The following OTUD7A variants were observed in gnomAD, a reference collection of about 807,000 sequenced individuals.
The protein encoded by OTUD7A is OTU deubiquitinase 7A.
OTUD7A carries 12 observed loss-of-function variants against 65.7 expected under a neutral mutation model. The observed-to-expected ratio is 0.18, with a 90% CI of 0.12 to 0.30. The LOEUF (loss-of-function observed/expected upper bound fraction) is 0.30, where lower values mean the gene tolerates loss of function less well. Ranked by LOEUF, OTUD7A falls within the 10% of genes least tolerant of loss-of-function variation. OTUD7A has a pLI of 1.00. For synonymous variants in OTUD7A, 641 were observed against 586.3 expected (o/e 1.09, Z -1.35); for missense variants, 1,148 against 1,304.8 (o/e 0.88, Z 1.85).
At chr15:31,844,797 T>C (rs925454070) in intron 1 of OTUD7A, among the ~76,000 whole-genome samples, 1 of 152,202 alleles carries the variant, frequency 6.6e-6, no homozygotes, top group African/African-American at 2.4e-5. Context: ...CATAGGTAGA[T>C]GGGTCCCACA....
At chr15:31,656,543 C>T (rs896267478) in intron 2 of OTUD7A, among the ~76,000 whole-genome samples, 1 of 152,028 alleles carries the variant, frequency 6.6e-6, no homozygotes, top group Non-Finnish European at 1.5e-5. Flanking sequence ...GCTTGCAGAC[C>T]CCATTACAGG....
chr15:31,867,068 A>G (rs1042428224), intron 1 of OTUD7A, among the ~76,000 whole-genome samples: 2 of 152,090 alleles, frequency 1.3e-5, no homozygotes, highest in Non-Finnish European at 2.9e-5. Context: ...TGCTGCAATG[A>G]CCATCTAAGC....
Position 31,483,227 on chromosome 15 carries a change from G to C in OTUD7A, c.*67C>G, listed in dbSNP as rs1324459896. 9.5e-7 allele frequency: 1 copy of C among 1,050,020 alleles called. No individual in the cohort carries two copies. Among genetic ancestry groups the C allele is most frequent in the Non-Finnish European group, 1.1e-6 (1 of 872,928 alleles). The allele number at this position is 1,050,020 out of a possible 1,614,324, so 65.0% of individuals were successfully genotyped here. On this transcript the variant is annotated 3_prime_UTR_variant, in exon 13 of 13. Coordinates refer to ENST00000307050, the MANE Select transcript of OTUD7A (RefSeq NM_001382637.1). The stretch of plus-strand genomic sequence containing the variant: ...CCGGTGGACCAGGGCATGTAAAAAA[G>C]ACACCGACACAATGGAAAAGAAATC...
chr15:31,869,323 C>T (rs555050912), intron 1 of OTUD7A, among the ~76,000 whole-genome samples: 4 of 152,326 alleles, frequency 2.6e-5, no homozygotes, highest in Admixed American at 1.3e-4. Flanking sequence ...TCCCCGCCTT[C>T]GCCCAGGGCA....
intron 1 of OTUD7A, among the ~76,000 whole-genome samples, chr15:31,728,480 G>T (rs1215888177): frequency 6.6e-6 from 1 of 152,194 alleles, no homozygotes; most frequent in African/African-American, 2.4e-5. Context: ...ATTACAGAGA[G>T]AATTAAACAG....
chr15:31,670,025 T>C (rs1225714019), intron 1 of OTUD7A, among the ~76,000 whole-genome samples: 1 of 144,764 alleles, frequency 6.9e-6, no homozygotes, highest in Non-Finnish European at 1.5e-5. Context: ...AGGAGCAGTC[T>C]GCTTCCTTCA....
intron 3 of OTUD7A, among the ~76,000 whole-genome samples, chr15:31,635,523 G>A (rs529143258): frequency 1.3e-5 from 2 of 152,236 alleles, no homozygotes; most frequent in Non-Finnish European, 2.9e-5. Flanking sequence ...CCCCGACACT[G>A]CCTTGCCGCT....
chr15:31,565,811 A>G (rs1422331546), intron 4 of OTUD7A, among the ~76,000 whole-genome samples: 2 of 152,250 alleles, frequency 1.3e-5, no homozygotes, highest in Admixed American at 1.3e-4. Context: ...CTCTCAATCC[A>G]GGAGAAAGCA....
chr15:31,539,380 C>T lies in OTUD7A; in HGVS notation c.551-8572G>A, dbSNP rs112120921. Among the ~76,000 whole-genome samples the T allele has an allele frequency of 4.3e-3, 655 of 152,182 alleles. 3 individuals carry two copies. The highest frequency in any genetic ancestry group is 0.015 in the African/African-American group (628 of 41,502). ...AGAGTAACCCAGGGTCATATGACCC[C>T]GAGGTCTACACTTGGGAGAAGGGTG... is the stretch of plus-strand genomic sequence containing the variant. On this transcript the variant is annotated intron_variant, in intron 5 of 12. Coordinates refer to ENST00000307050, the MANE Select transcript of OTUD7A (RefSeq NM_001382637.1).
intron 3 of OTUD7A, among the ~76,000 whole-genome samples, chr15:31,612,566 A>G (rs987065521): frequency 1.3e-5 from 2 of 152,150 alleles, no homozygotes; most frequent in African/African-American, 4.8e-5. Flanking sequence ...AAAATAAAAT[A>G]CCTAGGAATA....
rs1458817825 is a variant in OTUD7A at position 31,475,866 on chromosome 15, C to G, written c.*7428G>C. 6.6e-6 allele frequency: 1 copy of G among 152,188 alleles called. No homozygotes were observed. Among genetic ancestry groups the G allele is most frequent in the African/African-American group, 2.4e-5 (1 of 41,442 alleles). The allele number at this position is 152,188 out of a possible 1,614,324, so 9.4% of individuals were successfully genotyped here. A position where few individuals can be genotyped will look rare whatever the true frequency, so the allele number is the denominator to read the frequency against. On this transcript the variant is annotated 3_prime_UTR_variant, in exon 13 of 13. Transcript: ENST00000307050. ...ATGGGAGAAATAAAGCAACATATAT[C>G]ATCCAAAAATCAGTCAAAGAAACCA...
At chr15:31,648,707 C>T (rs1238988189) in intron 3 of OTUD7A, among the ~76,000 whole-genome samples, 1 of 152,176 alleles carries the variant, frequency 6.6e-6, no homozygotes, top group African/African-American at 2.4e-5. Flanking sequence ...CAATGTACAG[C>T]CTCCGTGTAT....
chr15:31,762,675 A>G (rs1245992624), intron 1 of OTUD7A, among the ~76,000 whole-genome samples: 2 of 152,256 alleles, frequency 1.3e-5, no homozygotes, highest in Non-Finnish European at 1.5e-5. Flanking sequence ...GAAAGCTCTG[A>G]AAACAGACTC....
chr15:31,767,385 G>T (rs1895118343), intron 1 of OTUD7A: 1 of 775,932 alleles, frequency 1.3e-6, no homozygotes, highest in East Asian at 2.4e-5. Flanking sequence ...ATCTGTGATT[G>T]TTCTGAATAC....
At chr15:31,846,674 G>T (rs905840463) in intron 1 of OTUD7A, among the ~76,000 whole-genome samples, 9 of 152,154 alleles carry the variant, frequency 5.9e-5, no homozygotes, top group African/African-American at 2.2e-4. Flanking sequence ...ATTCAACACA[G>T]TGTCACATGG....
rs1895409554 is a variant in OTUD7A at position 31,777,306 on chromosome 15, C to T, written c.-100+93201G>A. Among the ~76,000 whole-genome samples, 3 of 152,248 alleles carry T rather than the reference C, an allele frequency of 2.0e-5. No homozygotes were observed. In the South Asian group the frequency reaches 6.2e-4, roughly 31 times the overall value. On this transcript the variant is annotated intron_variant, in intron 1 of 12. Coordinates refer to ENST00000307050, the MANE Select transcript of OTUD7A (RefSeq NM_001382637.1). ...TCCCTAAGGGCTCACTTCCCAATCCCATCACCTTGGGGGTTAGGTTGAGAG... is the reference window on the plus strand; with the variant it reads ...TCCCTAAGGGCTCACTTCCCAATCCTATCACCTTGGGGGTTAGGTTGAGAG...
Position 31,570,442 on chromosome 15 carries a change from T to TACACAC in OTUD7A, c.152-251_152-246dup, listed in dbSNP as rs57517466. 4.9e-3 allele frequency among the ~76,000 whole-genome samples: 705 copies of TACACAC among 143,294 alleles called. 4 individuals are homozygous for TACACAC. The highest frequency in any genetic ancestry group is 5.6e-3 in the Non-Finnish European group (365 of 65,446). The allele number at this position is 143,294 out of a possible 152,430, so 94.0% of individuals were successfully genotyped here. On this transcript the variant is annotated intron_variant, in intron 3 of 12. Coordinates refer to ENST00000307050, the MANE Select transcript of OTUD7A (RefSeq NM_001382637.1). ...TACAGTCTCAGAGCCTTTAGGTTCA[T>TACACAC]ACACACACACACACACACACACACA...
chr15:31,732,945 C>T (rs912091735), intron 1 of OTUD7A, among the ~76,000 whole-genome samples: 5 of 152,218 alleles, frequency 3.3e-5, no homozygotes, highest in African/African-American at 9.7e-5. Context: ...ACAATCTTGA[C>T]GTCCTCCCCT....
chr15:31,755,299 C>A (rs1894779995), intron 1 of OTUD7A, among the ~76,000 whole-genome samples: 1 of 152,096 alleles, frequency 6.6e-6, no homozygotes, highest in Admixed American at 6.5e-5. Flanking sequence ...AAGAGAACTT[C>A]TTCATATATC....
Sources: allele counts gnomAD v4.1 joint callset (sites outside exome capture counted in the v4.1 genomes callset), GRCh38; gene constraint gnomAD v4.1.1; transcripts MANE v1.5; gene names NCBI Gene and HGNC (gene_info 2026-07-23, HGNC 2026-07-21).